CACNA2D1: variants seen among roughly 807,000 people sequenced by gnomAD.
The protein encoded by CACNA2D1 is calcium voltage-gated channel auxiliary subunit alpha2delta 1, also known as voltage-dependent calcium channel subunit alpha-2/delta-1.
CACNA2D1 carries 53 observed loss-of-function variants against 171.5 expected under a neutral mutation model. The ratio of observed to expected loss-of-function variants is 0.31; its 90% confidence interval spans 0.25 to 0.39. The LOEUF is 0.39. Among genes scored for constraint, CACNA2D1 ranks in the 10% least tolerant of loss-of-function variants. The probability of loss-of-function intolerance (pLI) is 1.00; values close to 1 mark genes in which losing one functional copy is unlikely to be tolerated. For synonymous variants in CACNA2D1, 442 were observed against 443.1 expected (o/e 1.00, Z 0.03); for missense variants, 903 against 1,299.8 (o/e 0.69, Z 4.69).
In CACNA2D1 at chr7:82,170,616, A is replaced by G; in HGVS notation, c.295-7T>C. ...CCGCTTCCAATGCCAGGCGCTGAAA[A>G]ACAAACAATAAATCTTAGAATTCAA... is the stretch of plus-strand genomic sequence containing the variant. On this transcript the variant is annotated splice_polypyrimidine_tract_variant and splice_region_variant and intron_variant, in intron 3 of 38. Coordinates refer to ENST00000356860, the MANE Select transcript of CACNA2D1 (RefSeq NM_000722.4). 6.2e-7 allele frequency: 1 copy of G among 1,611,866 alleles called. No homozygotes were observed. The highest frequency in any genetic ancestry group is 1.3e-5 in the African/African-American group (1 of 74,922).
chr7:82,044,728 C>T (rs139243517), intron 10 of CACNA2D1, among the ~76,000 whole-genome samples: 1 of 152,100 alleles, frequency 6.6e-6, no homozygotes, highest in East Asian at 1.9e-4. Flanking sequence ...TGACCAGAGG[C>T]TGTGCGCTCC....
intron 7 of CACNA2D1, among the ~76,000 whole-genome samples, chr7:82,077,557 A>T (rs1252380013): frequency 6.6e-6 from 1 of 152,154 alleles, no homozygotes; most frequent in East Asian, 1.9e-4. Context: ...ACATGAGTAA[A>T]AACCAAACTT....
At chr7:81,992,106 G>A (rs867849145) in intron 20 of CACNA2D1, among the ~76,000 whole-genome samples, 67 of 151,524 alleles carry the variant, frequency 4.4e-4, no homozygotes, top group African/African-American at 1.6e-3. Flanking sequence ...GCCTCCCAAA[G>A]TGCTAGGATT....
intron 1 of CACNA2D1, among the ~76,000 whole-genome samples, chr7:82,420,410 T>A (rs537765612): frequency 2.0e-5 from 3 of 152,322 alleles, no homozygotes; most frequent in South Asian, 2.1e-4. Context: ...TTACATGTAA[T>A]GTTAATTGAG....
intron 3 of CACNA2D1, among the ~76,000 whole-genome samples, chr7:82,304,166 G>A (rs1445208170): frequency 1.3e-5 from 2 of 151,938 alleles, no homozygotes; most frequent in Non-Finnish European, 1.5e-5. Context: ...CAGCTAGAAG[G>A]ACTATTAATA....
At chr7:82,313,658 A>G (rs1179344114) in intron 3 of CACNA2D1, among the ~76,000 whole-genome samples, 1 of 152,182 alleles carries the variant, frequency 6.6e-6, no homozygotes, top group African/African-American at 2.4e-5. Context: ...TTGAGTTTTC[A>G]TATTCTGTAT....
At chr7:82,178,559 A>T (rs977867893) in intron 3 of CACNA2D1, among the ~76,000 whole-genome samples, 4 of 152,084 alleles carry the variant, frequency 2.6e-5, no homozygotes, top group Non-Finnish European at 5.9e-5. Flanking sequence ...AAAGATTCTG[A>T]TTCTATAGCT....
intron 3 of CACNA2D1, among the ~76,000 whole-genome samples, chr7:82,297,395 G>C (rs1045778460): frequency 6.6e-6 from 1 of 152,164 alleles, no homozygotes; most frequent in South Asian, 2.1e-4. Flanking sequence ...TTTGTGGGGG[G>C]AGATGTTGAA....
chr7:82,249,535 T>C (rs1420125052), intron 3 of CACNA2D1, among the ~76,000 whole-genome samples: 1 of 152,184 alleles, frequency 6.6e-6, no homozygotes, highest in Admixed American at 6.5e-5. Flanking sequence ...CTTAACTTCT[T>C]CATATGTTAG....
chr7:81,967,223 G>A lies in CACNA2D1; in HGVS notation c.2464-16C>T, dbSNP rs370508265. The A allele has an allele frequency of 1.2e-5, 20 of 1,600,772 alleles. No homozygotes were observed. In the East Asian group the frequency reaches 4.0e-4, roughly 32 times the overall value. Reference sequence around the variant, plus strand: ...GACCAGCACACTGAAAGACAAAAATGCGATTATCACCTCACTTTTAAAAGT... The same window carrying A: ...GACCAGCACACTGAAAGACAAAAATACGATTATCACCTCACTTTTAAAAGT... On this transcript the variant is annotated splice_polypyrimidine_tract_variant and intron_variant, in intron 30 of 38. Coordinates refer to ENST00000356860, the MANE Select transcript of CACNA2D1 (RefSeq NM_000722.4).
At chr7:82,054,227 T>C (rs965121105) in intron 10 of CACNA2D1, among the ~76,000 whole-genome samples, 2 of 152,212 alleles carry the variant, frequency 1.3e-5, no homozygotes, top group African/African-American at 4.8e-5. Flanking sequence ...AAGCATTTTA[T>C]TGATAGCATT....
intron 10 of CACNA2D1, among the ~76,000 whole-genome samples, chr7:82,055,984 C>A (rs1332186268): frequency 3.7e-5 from 2 of 54,772 alleles, no homozygotes; most frequent in East Asian, 5.1e-4. Context: ...CAAAAGGTTA[C>A]ATGACAATAA....
chr7:82,017,460 C>T (rs1800639639), intron 12 of CACNA2D1, among the ~76,000 whole-genome samples: 2 of 152,048 alleles, frequency 1.3e-5, no homozygotes. Flanking sequence ...TTTAAAAGAA[C>T]TTTTGTGTAC....
chr7:82,362,721 G>C (rs977723525), intron 1 of CACNA2D1, among the ~76,000 whole-genome samples: 6 of 152,148 alleles, frequency 3.9e-5, no homozygotes, highest in Non-Finnish European at 8.8e-5. Flanking sequence ...TGGACATCTT[G>C]TAAGCGAACC....
intron 21 of CACNA2D1, among the ~76,000 whole-genome samples, chr7:81,987,333 T>C (rs1293768057): frequency 6.6e-6 from 1 of 152,160 alleles, no homozygotes; most frequent in Non-Finnish European, 1.5e-5. Context: ...ACTGCTTTAT[T>C]TCCTTCTAGA....
intron 2 of CACNA2D1, among the ~76,000 whole-genome samples, chr7:82,340,414 T>A (rs1021619502): frequency 2.6e-5 from 4 of 151,478 alleles, no homozygotes; most frequent in Non-Finnish European, 4.4e-5. Flanking sequence ...TAAGCAATCC[T>A]CCTTCCTCAG....
At chr7:82,142,392 C>T (rs1384583662) in intron 4 of CACNA2D1, among the ~76,000 whole-genome samples, 1 of 152,140 alleles carries the variant, frequency 6.6e-6, no homozygotes, top group East Asian at 1.9e-4. Flanking sequence ...ATAGACCTTT[C>T]CATCTTAAAA....
At chr7:82,154,945 G>T (rs1794226725) in intron 4 of CACNA2D1, among the ~76,000 whole-genome samples, 1 of 152,064 alleles carries the variant, frequency 6.6e-6, no homozygotes, top group African/African-American at 2.4e-5. Context: ...AGAGGTGACT[G>T]GATCATGGGG....
intron 6 of CACNA2D1, 81 bp downstream of exon 6, chr7:82,116,959 CTCTT>C: frequency 2.1e-6 from 3 of 1,407,262 alleles, no homozygotes; most frequent in South Asian, 2.3e-5. Flanking sequence ...GTCACATTTG[CTCTT>C]TTTTTTCCCC....
Sources: gnomAD v4.1 joint callset for allele counts (sites outside exome capture counted in the v4.1 genomes callset) on GRCh38, gnomAD v4.1.1 for gene constraint, MANE v1.5 for transcripts, NCBI Gene and HGNC (gene_info 2026-07-23, HGNC 2026-07-21) for gene names.